PRKD1: variants seen among roughly 807,000 people sequenced by gnomAD.
PRKD1 encodes the protein serine/threonine-protein kinase D1.
In PRKD1, 63 loss-of-function variants were observed where a neutral mutation model predicts 95.9. The ratio of observed to expected loss-of-function variants is 0.66; its 90% confidence interval spans 0.54 to 0.81. The LOEUF (loss-of-function observed/expected upper bound fraction) is 0.81, where lower values mean the gene tolerates loss of function less well. PRKD1 is among the 30% of genes least tolerant of loss of function. The pLI, the probability that PRKD1 is intolerant of heterozygous loss-of-function variation, is 0.00. For synonymous variants in PRKD1, 425 were observed against 423.1 expected (o/e 1.00, Z -0.05); for missense variants, 1,048 against 1,165.3 (o/e 0.90, Z 1.47).
At chr14:29,876,648 A>G (rs926393566) in intron 1 of PRKD1, among the ~76,000 whole-genome samples, 3 of 151,978 alleles carry the variant, frequency 2.0e-5, no homozygotes, top group Non-Finnish European at 4.4e-5. Context: ...AAAAAAAGCC[A>G]ATTTCATATA....
At chr14:29,658,740 G>T (rs1284195757) in intron 4 of PRKD1, among the ~76,000 whole-genome samples, 3 of 152,118 alleles carry the variant, frequency 2.0e-5, no homozygotes, top group African/African-American at 7.2e-5. Flanking sequence ...AACTACTGCA[G>T]GTGACAATGT....
At chr14:29,684,581 T>C (rs1227550615) in intron 2 of PRKD1, among the ~76,000 whole-genome samples, 2 of 152,226 alleles carry the variant, frequency 1.3e-5, no homozygotes, top group African/African-American at 4.8e-5. Context: ...AATCAACTCA[T>C]GTCTTCAGAT....
At chr14:29,671,532 A>C (rs1432864212) in intron 2 of PRKD1, among the ~76,000 whole-genome samples, 1 of 152,212 alleles carries the variant, frequency 6.6e-6, no homozygotes, top group African/African-American at 2.4e-5. Context: ...AACAGACAAA[A>C]TAGAAAAAGC....
intron 1 of PRKD1, among the ~76,000 whole-genome samples, chr14:29,798,341 T>C (rs1411919094): frequency 6.6e-6 from 1 of 152,230 alleles, no homozygotes; most frequent in Non-Finnish European, 1.5e-5. Flanking sequence ...ATAAGCTGTC[T>C]GAAGCATTAA....
chr14:29,813,724 T>C (rs1294211976), intron 1 of PRKD1, among the ~76,000 whole-genome samples: 1 of 152,190 alleles, frequency 6.6e-6, no homozygotes, highest in Admixed American at 6.5e-5. Flanking sequence ...AATGTCAGCA[T>C]GCTTGCACTC....
chr14:29,827,529 A>G (rs1450711708), intron 1 of PRKD1, among the ~76,000 whole-genome samples: 1 of 152,110 alleles, frequency 6.6e-6, no homozygotes, highest in Non-Finnish European at 1.5e-5. Flanking sequence ...CATGCTACTC[A>G]AAGTATGAGT....
At chr14:29,826,690 CAT>C (rs1185187356) in intron 1 of PRKD1, among the ~76,000 whole-genome samples, 6 of 35,084 alleles carry the variant, frequency 1.7e-4, no homozygotes, top group East Asian at 7.2e-4. Flanking sequence ...TATATACACA[CAT>C]ATATATACAT....
intron 9 of PRKD1, among the ~76,000 whole-genome samples, chr14:29,631,568 C>T (rs1271781974): frequency 1.3e-5 from 2 of 150,672 alleles, no homozygotes; most frequent in African/African-American, 2.4e-5. Context: ...GGCGTGATCT[C>T]GGCTCACTGC....
chr14:29,897,712 T>C (rs946827050), intron 1 of PRKD1, among the ~76,000 whole-genome samples: 1 of 152,158 alleles, frequency 6.6e-6, no homozygotes, highest in Admixed American at 6.5e-5. Context: ...AGCTATGATG[T>C]AGAGGTGCAT....
chr14:29,788,108 C>G (rs995321061), intron 1 of PRKD1, among the ~76,000 whole-genome samples: 3 of 152,092 alleles, frequency 2.0e-5, no homozygotes, highest in African/African-American at 7.2e-5. Flanking sequence ...GCTGGTCTAA[C>G]GGTGATGAAT....
At chr14:29,682,466 A>C (rs1416883463) in intron 2 of PRKD1, among the ~76,000 whole-genome samples, 1 of 152,240 alleles carries the variant, frequency 6.6e-6, no homozygotes, top group Admixed American at 6.5e-5. Flanking sequence ...CTGAAAAATT[A>C]GCTTATATCC....
chr14:29,927,390 A>T lies in PRKD1; in HGVS notation c.123T>A (p.Pro41=). 1 of 1,547,762 alleles carries T rather than the reference A, an allele frequency of 6.5e-7. No individual in the cohort carries two copies. The highest frequency in any genetic ancestry group is 1.9e-5 in the Admixed American group (1 of 52,794). Residue 41 remains proline, a synonymous_variant, in exon 1 of 18, where the codon CCT becomes CCA. Coordinates refer to ENST00000331968, the MANE Select transcript of PRKD1 (RefSeq NM_002742.3). ...SGPGPAPFLA[P]VAAPVGGISF... is the part of the protein sequence containing the mutation. The stretch of plus-strand genomic sequence containing the variant: ...AGATGCCCCCGACCGGGGCCGCGAC[A>T]GGAGCCAAGAACGGCGCGGGCCCGG...
chr14:29,755,276 T>C (rs1439812305), intron 1 of PRKD1, among the ~76,000 whole-genome samples: 1 of 152,116 alleles, frequency 6.6e-6, no homozygotes, highest in African/African-American at 2.4e-5. Context: ...TTAAAAGTGT[T>C]TTCCCATATC....
intron 2 of PRKD1, among the ~76,000 whole-genome samples, chr14:29,707,370 T>C (rs1265891425): frequency 6.6e-6 from 1 of 152,136 alleles, no homozygotes; most frequent in Non-Finnish European, 1.5e-5. Context: ...ATGTAGTTAT[T>C]TAATAGAAGG....
intron 1 of PRKD1, among the ~76,000 whole-genome samples, chr14:29,803,303 A>G (rs888779240): frequency 6.6e-6 from 1 of 152,260 alleles, no homozygotes; most frequent in Admixed American, 6.5e-5. Flanking sequence ...CACAAGGTTC[A>G]TACTTAGGAA....
chr14:29,800,353 T>C (rs1239166918), intron 1 of PRKD1, among the ~76,000 whole-genome samples: 3 of 152,226 alleles, frequency 2.0e-5, no homozygotes, highest in African/African-American at 4.8e-5. Flanking sequence ...CGTGCTTGCA[T>C]TTGTTTAACA....
intron 1 of PRKD1, among the ~76,000 whole-genome samples, chr14:29,726,071 C>T (rs916627025): frequency 2.0e-5 from 3 of 152,106 alleles, no homozygotes; most frequent in Non-Finnish European, 4.4e-5. Context: ...TTCCATTACA[C>T]ATAATAATGG....
intron 2 of PRKD1, among the ~76,000 whole-genome samples, chr14:29,671,504 A>G (rs1418963526): frequency 6.6e-6 from 1 of 152,232 alleles, no homozygotes; most frequent in Non-Finnish European, 1.5e-5. Context: ...CAAACTCAGA[A>G]ATAAATAGTT....
chr14:29,783,856 T>A (rs1402992767), intron 1 of PRKD1, among the ~76,000 whole-genome samples: 5 of 152,196 alleles, frequency 3.3e-5, no homozygotes, highest in African/African-American at 2.4e-5. Flanking sequence ...TTGCTGTTGG[T>A]TGAGTTTGTT....
Sources: gnomAD v4.1 joint callset for allele counts (sites outside exome capture counted in the v4.1 genomes callset) on GRCh38, gnomAD v4.1.1 for gene constraint, MANE v1.5 for transcripts, NCBI Gene and HGNC (gene_info 2026-07-23, HGNC 2026-07-21) for gene names.